INTS5: variants seen among roughly 807,000 people sequenced by gnomAD.
INTS5 encodes the protein integrator complex subunit 5, also known as KIAA1698.
Under a neutral mutation model 60.0 loss-of-function variants are expected in INTS5, and 29 were observed. That is an observed-to-expected ratio of 0.48 (90% CI 0.36 to 0.66). The LOEUF (loss-of-function observed/expected upper bound fraction) is 0.66. Ranked by LOEUF, INTS5 falls within the 30% of genes least tolerant of loss-of-function variation. INTS5 has a pLI of 0.00. For missense variants in INTS5, 1,129 were observed against 1,307.9 expected, an observed-to-expected ratio of 0.86 and a Z score of 2.11; for synonymous variants, 588 against 558.8, an observed-to-expected ratio of 1.05 and a Z score of -0.74.
In INTS5 at chr11:62,653,276, G is replaced by T. The variant is rs1243273635; in HGVS notation, c.-27C>A. On this transcript the variant is annotated 5_prime_UTR_variant, in exon 1 of 2. Coordinates refer to ENST00000330574, the MANE Select transcript of INTS5 (RefSeq NM_030628.2). ...CCGGAGCCCGAGCCGAGCCCGAGGC[G>T]CGAGCGGCGGAGCGCAGGCGGCGCA... 2 of 1,240,164 alleles carry T rather than the reference G, an allele frequency of 1.6e-6. No individual in the cohort carries two copies. The highest frequency in any genetic ancestry group is 3.1e-5 in the African/African-American group (2 of 64,284). 76.8% of individuals were successfully genotyped at this position (1,240,164 alleles called of 1,614,324 possible). A position where few individuals can be genotyped will look rare whatever the true frequency, so the allele number is the denominator to read the frequency against.
rs1412116703 is a variant in INTS5, at chr11:62,649,128, G to C, written c.952C>G (p.His318Asp). Residue 318 changes from histidine to aspartate, a missense_variant, in exon 2 of 2, where the codon CAT becomes GAT. Around this residue, in one of 3 missense-constraint regions of INTS5, gnomAD observed 1,070 missense variants for 1,246.1 expected, o/e 0.86. Transcript: ENST00000330574. The surrounding 1 kb of genome is among the most constrained non-coding windows in gnomAD (Gnocchi z 6.0). Reference sequence around the variant, plus strand: ...CCAGATCCCCCTGCCAGGCTATCATGGAACATTCGCAGGAGCTCCCGTCGG... The same window carrying C: ...CCAGATCCCCCTGCCAGGCTATCATCGAACATTCGCAGGAGCTCCCGTCGG... The part of the protein sequence containing the change: ...SIRRELLRMF[H>D]DSLAGGSGGR... 6.2e-7 allele frequency: 1 copy of C among 1,612,710 alleles called. No individual in the cohort carries two copies. Among genetic ancestry groups the C allele is most frequent in the Non-Finnish European group, 8.5e-7 (1 of 1,178,850 alleles).
chr11:62,647,524 G>A lies in INTS5; in HGVS notation c.2556C>T (p.Arg852=), dbSNP rs372461151. 679 of 1,612,150 alleles carry A rather than the reference G, an allele frequency of 4.2e-4. 3 individuals are homozygous for A. The South Asian group carries it at 6.2e-3, about 15-fold the overall frequency. Residue 852 remains arginine (R), a synonymous_variant, in exon 2 of 2, where the codon CGC becomes CGT. Coordinates refer to ENST00000330574, the MANE Select transcript of INTS5 (RefSeq NM_030628.2). The part of the protein sequence containing the change: ...ERDLRIGRRF[R]EQPLLFELLK... ...ACAGCTCAAAGAGCAGGGGCTGTTC[G>A]CGGAAGCGCCGGCCAATGCGGAGAT... is the stretch of plus-strand genomic sequence containing the variant.
At chr11:62,651,706 T>C (rs1182181634) in intron 1 of INTS5, among the ~76,000 whole-genome samples, 1 of 151,646 alleles carries the variant, frequency 6.6e-6, no homozygotes, top group Non-Finnish European at 1.5e-5. Flanking sequence ...AAAATAATAA[T>C]AATAATAATT....
chr11:62,651,180 C>A (rs959307012), intron 1 of INTS5, among the ~76,000 whole-genome samples: 1 of 152,046 alleles, frequency 6.6e-6, no homozygotes, highest in Non-Finnish European at 1.5e-5. Flanking sequence ...GTGCCATCTC[C>A]ACTCACTGCA....
chr11:62,653,013 G>A (rs1944608260), intron 1 of INTS5, among the ~76,000 whole-genome samples, 157 bp downstream of exon 1: 1 of 152,250 alleles, frequency 6.6e-6, no homozygotes, highest in African/African-American at 2.4e-5. Flanking sequence ...GGAGCCCTGA[G>A]TTTTGGTGAA....
chr11:62,651,887 A>G (rs188338539), intron 1 of INTS5, among the ~76,000 whole-genome samples: 1 of 152,288 alleles, frequency 6.6e-6, no homozygotes, highest in Non-Finnish European at 1.5e-5. Flanking sequence ...CAATCAGACT[A>G]TATGCGCCAT....
Position 62,653,157 on chromosome 11 carries a change from G to T in INTS5, c.80+13C>A, listed in dbSNP as rs1944610017. 5.6e-6 allele frequency: 7 copies of T among 1,243,450 alleles called. No individual in the cohort carries two copies. Among genetic ancestry groups the T allele is most frequent in the Non-Finnish European group, 6.1e-6 (6 of 983,544 alleles). 77.0% of individuals were successfully genotyped at this position (1,243,450 alleles called of 1,614,324 possible). A position where few individuals can be genotyped will look rare whatever the true frequency, so the allele number is the denominator to read the frequency against. On this transcript the variant is annotated intron_variant, in intron 1 of 1. Transcript: ENST00000330574. ...CCGCGCGATGGGGGGAAGGTGCCAA[G>T]GGCTCTAACTACCTGAGAGGCGCGG...
chr11:62,652,866 G>T lies in INTS5; in HGVS notation c.80+304C>A, dbSNP rs1289594666. On this transcript the variant is annotated intron_variant, in intron 1 of 1. Coordinates refer to ENST00000330574, the MANE Select transcript of INTS5 (RefSeq NM_030628.2). ...GAAGTCAGGACACTGGGTTTCCTAG[G>T]GTCAAAAATGGCCAGGGCAGCTGGG... 2.0e-5 allele frequency among the ~76,000 whole-genome samples: 3 copies of T among 152,150 alleles called. No homozygotes were observed. In the South Asian group the frequency reaches 6.2e-4, roughly 32 times the overall value.
Position 62,648,697 on chromosome 11 carries a change from C to G in INTS5, c.1383G>C (p.Val461=), listed in dbSNP as rs979469407. ...HHRGGSPGEG[V]LGPPPPPRLV... ...AGCGGGGAGGTGGGGGCGGGCCTAG[C>G]ACCCCTTCCCCAGGAGACCCTCCCC... Residue 461 remains valine (V), a synonymous_variant, in exon 2 of 2, where the codon GTG becomes GTC. Transcript: ENST00000330574. The surrounding 1 kb of genome is among the most constrained non-coding windows in gnomAD (Gnocchi z 4.4). 5.0e-6 allele frequency: 8 copies of G among 1,614,142 alleles called. No homozygotes were observed. The highest frequency in any genetic ancestry group is 1.7e-5 in the Admixed American group (1 of 60,034).
At position 62,649,234 on chromosome 11, in the gene INTS5, A is replaced by G. The variant is rs1319576618; in HGVS notation, c.846T>C (p.Ile282=). 1.2e-6 allele frequency: 2 copies of G among 1,613,662 alleles called. No individual in the cohort carries two copies. Among genetic ancestry groups the G allele is most frequent in the Non-Finnish European group, 1.7e-6 (2 of 1,179,740 alleles). The change falls in exon 2 of 2, where the codon ATT becomes ATC. Residue 282 remains isoleucine (I), a synonymous_variant. Coordinates refer to ENST00000330574, the MANE Select transcript of INTS5 (RefSeq NM_030628.2). This position sits in a 1 kb window ranked among gnomAD's most constrained non-coding sequence, Gnocchi z 6.0. ...STDPFPGSPA[I]PAEKRVPKIA... Reference sequence around the variant, plus strand: ...TCTTGGGCACCCGTTTCTCCGCAGGAATGGCAGGAGATCCAGGGAAGGGGT... The same window carrying G: ...TCTTGGGCACCCGTTTCTCCGCAGGGATGGCAGGAGATCCAGGGAAGGGGT...
rs561092480 is a variant in INTS5, at chr11:62,648,003, C to T, written c.2077G>A (p.Val693Ile). The T allele has an allele frequency of 1.9e-6, 3 of 1,614,230 alleles. No homozygotes were observed. The highest frequency in any genetic ancestry group is 4.5e-5 in the East Asian group (2 of 44,880). ...TTGCCTCGATGTAAGGCTCCTTCAA[C>T]CAGCAGCTGCAGGACAGCCTTGAGC... ...AGLKAVLQLL[V>I]EGALHRGNTE... The change falls in exon 2 of 2, where the codon GTT becomes ATT. Residue 693 changes from valine (V) to isoleucine (I), a missense_variant. Physicochemically the swap from Val to Ile is conservative, Grantham distance 29 (BLOSUM62 3). Transcript: ENST00000330574. This position sits in a 1 kb window ranked among gnomAD's most constrained non-coding sequence, Gnocchi z 4.4.
At position 62,653,265 on chromosome 11, in the gene INTS5, G is replaced by C. The variant is rs934751169; in HGVS notation, c.-16C>G. ...GCGCGGACATCCCGGAGCCCGAGCC[G>C]AGCCCGAGGCGCGAGCGGCGGAGCG... On this transcript the variant is annotated 5_prime_UTR_variant, in exon 1 of 2. Coordinates refer to ENST00000330574, the MANE Select transcript of INTS5 (RefSeq NM_030628.2). 6.4e-6 allele frequency: 8 copies of C among 1,242,686 alleles called. No homozygotes were observed. Among genetic ancestry groups the C allele is most frequent in the South Asian group, 4.1e-5 (1 of 24,320 alleles). 77.0% of individuals were successfully genotyped at this position (1,242,686 alleles called of 1,614,324 possible).
chr11:62,646,958 G>T lies in INTS5; in HGVS notation c.*62C>A. Reference sequence around the variant, plus strand: ...GAAGAGAAACCTCCACCCTTCCGGAGCACGTTAGTCCCTTCCCTCTCTCAC... The same window carrying T: ...GAAGAGAAACCTCCACCCTTCCGGATCACGTTAGTCCCTTCCCTCTCTCAC... On this transcript the variant is annotated 3_prime_UTR_variant, in exon 2 of 2. Coordinates refer to ENST00000330574, the MANE Select transcript of INTS5 (RefSeq NM_030628.2). 1 of 1,336,006 alleles carries T rather than the reference G, an allele frequency of 7.5e-7. No homozygotes were observed. The highest frequency in any genetic ancestry group is 1.0e-6 in the Non-Finnish European group (1 of 959,772). 82.8% of individuals were successfully genotyped at this position (1,336,006 alleles called of 1,614,324 possible).
rs1401705775 is a variant in INTS5, at chr11:62,648,123, G to A, written c.1957C>T (p.His653Tyr). Residue 653 changes from histidine (H) to tyrosine (Y), a missense_variant, in exon 2 of 2, where the codon CAC becomes TAC. His to Tyr is a moderately conservative substitution (Grantham distance 83). This residue lies in a region of INTS5 where 1,070 missense variants were observed against 1,246.1 expected (regional missense o/e 0.86). Coordinates refer to ENST00000330574, the MANE Select transcript of INTS5 (RefSeq NM_030628.2). The surrounding 1 kb of genome is among the most constrained non-coding windows in gnomAD (Gnocchi z 4.4). ...QLLGLVRAGV[H>Y]RFFASLRLHG... ...AGCCTCAGAGAGGCAAAGAAGCGGT[G>A]CACCCCAGCCCTTACCAGTCCCAGG... The A allele has an allele frequency of 3.7e-6, 6 of 1,613,886 alleles. No individual in the cohort carries two copies. The highest frequency in any genetic ancestry group is 1.6e-4 in the Middle Eastern group (1 of 6,084).
Position 62,648,160 on chromosome 11 carries a change from G to A in INTS5, c.1920C>T (p.Ser640=), listed in dbSNP as rs760435784. ...AICPFPSEAL[S]PSQLLGLVRA... ...TTACCAGTCCCAGGAGCTGGGAGGG[G>A]GATAAGGCTTCAGAAGGAAAGGGAC... Residue 640 remains serine, a synonymous_variant, in exon 2 of 2, where the codon TCC becomes TCT. Coordinates refer to ENST00000330574, the MANE Select transcript of INTS5 (RefSeq NM_030628.2). The surrounding 1 kb of genome is among the most constrained non-coding windows in gnomAD (Gnocchi z 4.4). The A allele has an allele frequency of 1.5e-5, 24 of 1,613,324 alleles. No homozygotes were observed. The African/African-American group carries it at 2.8e-4, about 19-fold the overall frequency.
rs776759313 is a variant in INTS5, at chr11:62,648,565, C to A, written c.1515G>T (p.Leu505=). The change falls in exon 2 of 2, where the codon CTG becomes CTT. Residue 505 remains leucine, a synonymous_variant. Transcript: ENST00000330574. This position sits in a 1 kb window ranked among gnomAD's most constrained non-coding sequence, Gnocchi z 4.4. ...AGCTAGGCCGGGTATAGACAGACAG[C>A]AGGCCCAAGAGCTGGTGCTGCCAGA... ...RFLWQHQLLG[L]LSVYTRPSCG... The A allele has an allele frequency of 6.2e-7, 1 of 1,614,164 alleles. No homozygotes were observed. Among genetic ancestry groups the A allele is most frequent in the Non-Finnish European group, 8.5e-7 (1 of 1,180,036 alleles).
chr11:62,649,613 C>T lies in INTS5; in HGVS notation c.467G>A (p.Ser156Asn). ...AWSIDLMGQL[S>N]STYSGQHQRV... is the part of the protein sequence containing the mutation. ...CTGGTGCTGGCCTGAGTACGTGCTG[C>T]TCAGTTGCCCCATGAGGTCAATGGA... Residue 156 changes from serine to asparagine, a missense_variant, in exon 2 of 2, where the codon AGC becomes AAC. Ser to Asn is a conservative substitution (Grantham distance 46). This residue lies in a region of INTS5 where 1,070 missense variants were observed against 1,246.1 expected (regional missense o/e 0.86). Transcript: ENST00000330574. The surrounding 1 kb of genome is among the most constrained non-coding windows in gnomAD (Gnocchi z 6.0). 6.2e-7 allele frequency: 1 copy of T among 1,614,168 alleles called. No individual in the cohort carries two copies. Among genetic ancestry groups the T allele is most frequent in the Non-Finnish European group, 8.5e-7 (1 of 1,180,030 alleles).
chr11:62,653,119 G>T (rs1944609414), intron 1 of INTS5, 51 bp downstream of exon 1: 4 of 1,113,604 alleles, frequency 3.6e-6, no homozygotes, highest in East Asian at 3.2e-5. Flanking sequence ...GAAGGCTAGG[G>T]ATCGGCGCGG....
In INTS5 at chr11:62,647,212, C is replaced by G; in HGVS notation, c.2868G>C (p.Leu956Phe). 1 of 1,614,248 alleles carries G rather than the reference C, an allele frequency of 6.2e-7. No individual in the cohort carries two copies. Among genetic ancestry groups the G allele is most frequent in the Non-Finnish European group, 8.5e-7 (1 of 1,180,042 alleles). ...CTGATTGGAAGATGAACTTCTGAGG[C>G]AAGGGCCCATGCTCCCGGAGAAAAC... The part of the protein sequence containing the change: ...VWGFLREHGP[L>F]PQKFIFQSER... Residue 956 changes from leucine to phenylalanine, a missense_variant, in exon 2 of 2, where the codon TTG (leucine) becomes TTC (phenylalanine). Coordinates refer to ENST00000330574, the MANE Select transcript of INTS5 (RefSeq NM_030628.2).
Sources: allele counts gnomAD v4.1 joint callset (sites outside exome capture counted in the v4.1 genomes callset), GRCh38; gene constraint gnomAD v4.1.1; regional missense constraint gnomAD v4.1.1; non-coding constraint Gnocchi (gnomAD v3.1); transcripts MANE v1.5; gene names NCBI Gene and HGNC (gene_info 2026-07-23, HGNC 2026-07-21).